Variants in ARK2N observed in about 807,000 individuals in gnomAD.
The protein encoded by ARK2N is protein ARK2N.
the ARK2N span, among the ~76,000 whole-genome samples, chr18:46,192,094 C>T: frequency 2.0e-5 from 3 of 152,274 alleles, no homozygotes; most frequent in East Asian, 5.8e-4. Flanking sequence ...ATGTTTGCTT[C>T]CAGTTGGTTG....
At chr18:46,225,544 C>T in the ARK2N span, among the ~76,000 whole-genome samples, 2 of 152,114 alleles carry the variant, frequency 1.3e-5, no homozygotes, top group Admixed American at 6.5e-5. Context: ...CTGCAAACTC[C>T]GCCTCCTGGG....
the ARK2N span, among the ~76,000 whole-genome samples, chr18:46,203,077 T>C: frequency 1.3e-5 from 2 of 152,146 alleles, no homozygotes; most frequent in Admixed American, 1.3e-4. Flanking sequence ...GGGAAAACTT[T>C]CTAGTAAAGC....
At chr18:46,244,936 TTTG>T in the ARK2N span, among the ~76,000 whole-genome samples, 12 of 151,756 alleles carry the variant, frequency 7.9e-5, no homozygotes, top group Admixed American at 5.9e-4. Flanking sequence ...TTCACTCTTT[TTTG>T]TTGTTGTTGT....
chr18:46,195,559 C>CTTTTTTTTTTTTTT, the ARK2N span, among the ~76,000 whole-genome samples: 1 of 72,686 alleles, frequency 1.4e-5, no homozygotes, highest in African/African-American at 6.2e-5. Flanking sequence ...CCCACATAAA[C>CTTTTTTTTTTTTTT]TTTTTTTTTT....
chr18:46,237,576 A>G, the ARK2N span, among the ~76,000 whole-genome samples: 2 of 152,024 alleles, frequency 1.3e-5, no homozygotes, highest in Admixed American at 1.3e-4. Context: ...TTTAGTAGAG[A>G]TGGGATTTCA....
chr18:46,232,938 G>C, the ARK2N span: 2 of 152,032 alleles, frequency 1.3e-5, no homozygotes, highest in Non-Finnish European at 2.9e-5. Context: ...AAAAAGAAAT[G>C]TTTCCTGTTA....
chr18:46,199,557 C>T, the ARK2N span, among the ~76,000 whole-genome samples: 1 of 150,210 alleles, frequency 6.7e-6, no homozygotes, highest in African/African-American at 2.5e-5. Flanking sequence ...GAACTCCTGA[C>T]CTCAAGTGAT....
At chr18:46,208,122 G>C in the ARK2N span, among the ~76,000 whole-genome samples, 1 of 152,146 alleles carries the variant, frequency 6.6e-6, no homozygotes, top group African/African-American at 2.4e-5. Flanking sequence ...ACAATCCTTA[G>C]AGTGGGCCCT....
the ARK2N span, among the ~76,000 whole-genome samples, chr18:46,186,618 C>G: frequency 6.7e-6 from 1 of 149,548 alleles, no homozygotes; most frequent in African/African-American, 2.5e-5. Flanking sequence ...CATTCTCCTG[C>G]CTTAGCCTCT....
the ARK2N span, chr18:46,228,647 G>A: frequency 1.3e-5 from 5 of 393,872 alleles, no homozygotes; most frequent in East Asian, 3.6e-5. Context: ...GTGCAGAGGT[G>A]CCATCTTGTC....
chr18:46,197,849 A>G, the ARK2N span, among the ~76,000 whole-genome samples: 1 of 152,342 alleles, frequency 6.6e-6, no homozygotes, highest in South Asian at 2.1e-4. Flanking sequence ...ATGATTCTGC[A>G]TGATGTACTT....
chr18:46,238,236 T>C, the ARK2N span, among the ~76,000 whole-genome samples: 2 of 152,184 alleles, frequency 1.3e-5, no homozygotes, highest in Non-Finnish European at 2.9e-5. Context: ...ATTAGTCATA[T>C]AAATTTTAAA....
the ARK2N span, among the ~76,000 whole-genome samples, chr18:46,242,282 T>C: frequency 2.6e-5 from 4 of 152,204 alleles, no homozygotes; most frequent in Admixed American, 2.6e-4. Context: ...TTGCTCTTCA[T>C]ATGCAGAATT....
chr18:46,179,806 G>T, the ARK2N span, among the ~76,000 whole-genome samples: 3 of 152,138 alleles, frequency 2.0e-5, no homozygotes, highest in South Asian at 6.2e-4. Context: ...TGTATTTCTA[G>T]TAGAGAAGGG....
At chr18:46,190,417 G>A in the ARK2N span, among the ~76,000 whole-genome samples, 3 of 143,412 alleles carry the variant, frequency 2.1e-5, no homozygotes, top group Admixed American at 2.1e-4. Context: ...CTACTCGGGA[G>A]TCTGAGGTTG....
At chr18:46,211,459 A>G in the ARK2N span, among the ~76,000 whole-genome samples, 2 of 152,144 alleles carry the variant, frequency 1.3e-5, no homozygotes, top group African/African-American at 4.8e-5. Flanking sequence ...GTCAGGTTGC[A>G]TTGGGTTGCA....
the ARK2N span, chr18:46,219,257 G>A: frequency 6.6e-6 from 1 of 152,032 alleles, no homozygotes; most frequent in African/African-American, 2.4e-5. Context: ...ATCGGCACTA[G>A]ATCATCTCTC....
At chr18:46,240,527 C>CT in the ARK2N span, among the ~76,000 whole-genome samples, 2 of 152,158 alleles carry the variant, frequency 1.3e-5, no homozygotes, top group Non-Finnish European at 2.9e-5. Context: ...CTTTCTCTCA[C>CT]TTTAATTCTG....
the ARK2N span, among the ~76,000 whole-genome samples, chr18:46,237,813 A>G: frequency 6.6e-6 from 1 of 152,320 alleles, no homozygotes; most frequent in East Asian, 1.9e-4. Flanking sequence ...CAACCATTTC[A>G]TTATTTTACT....
Sources: gnomAD v4.1 joint callset for allele counts (sites outside exome capture counted in the v4.1 genomes callset) on GRCh38, gnomAD v4.1.1 for gene constraint, MANE v1.5 for transcripts, NCBI Gene and HGNC (gene_info 2026-07-23, HGNC 2026-07-21) for gene names.